Variants in PDZRN4 observed in about 807,000 individuals in gnomAD.
The protein encoded by PDZRN4 is PDZ domain-containing RING finger protein 4.
A neutral mutation model predicts 99.0 loss-of-function variants in PDZRN4; 70 were observed. The observed-to-expected ratio is 0.71, with a 90% confidence interval of 0.58 to 0.86. The LOEUF (loss-of-function observed/expected upper bound fraction) is 0.86. Among genes scored for constraint, PDZRN4 ranks in the 40% least tolerant of loss-of-function variants. PDZRN4 has a pLI of 0.00. For synonymous variants in PDZRN4, 551 were observed against 501.6 expected (o/e 1.10, Z -1.32); for missense variants, 1,474 against 1,331.2 (o/e 1.11, Z -1.67).
chr12:41,373,073 T>G (rs1458814987), intron 3 of PDZRN4, among the ~76,000 whole-genome samples: 2 of 152,024 alleles, frequency 1.3e-5, no homozygotes, highest in African/African-American at 4.8e-5. Flanking sequence ...AACCAGCAAG[T>G]TTTTATTAGT....
intron 1 of PDZRN4, 61 bp downstream of exon 1, chr12:41,189,164 C>A (rs767432560): frequency 5.8e-5 from 85 of 1,464,316 alleles, no homozygotes; most frequent in Non-Finnish European, 7.4e-5. Context: ...AGGAGCGGTT[C>A]TTTCTGACGC....
At position 41,367,998 on chromosome 12, in the gene PDZRN4, C is replaced by G. The variant is rs554963538; in HGVS notation, c.844-138458C>G. ...AGTACAGAGTAGGAAATACGATGTC[C>G]TCTTTTTGCAATACTTACCAAAACC... On this transcript the variant is annotated intron_variant, in intron 3 of 9. Coordinates refer to ENST00000402685, the MANE Select transcript of PDZRN4 (RefSeq NM_001164595.2). 2.0e-5 allele frequency among the ~76,000 whole-genome samples: 3 copies of G among 152,156 alleles called. No individual in the cohort carries two copies. The East Asian group carries it at 5.8e-4, about 30-fold the overall frequency.
intron 3 of PDZRN4, among the ~76,000 whole-genome samples, chr12:41,496,886 C>A (rs138530859): frequency 6.6e-6 from 1 of 152,084 alleles, no homozygotes; most frequent in South Asian, 2.1e-4. Context: ...TCATTCAGTG[C>A]GTTTTGTACA....
At chr12:41,510,002 A>G in intron 5 of PDZRN4, 89 bp downstream of exon 5, 3 of 646,808 alleles carry the variant, frequency 4.6e-6, no homozygotes, top group Non-Finnish European at 8.2e-6. Context: ...TATTACAGTG[A>G]GAAATGTCTT....
chr12:41,299,147 C>A (rs761329751), intron 3 of PDZRN4, among the ~76,000 whole-genome samples: 2 of 151,938 alleles, frequency 1.3e-5, no homozygotes, highest in African/African-American at 2.4e-5. Context: ...CATTCTAGGG[C>A]AAATAATTAT....
At chr12:41,350,721 T>C (rs560622861) in intron 3 of PDZRN4, among the ~76,000 whole-genome samples, 3 of 152,244 alleles carry the variant, frequency 2.0e-5, no homozygotes, top group East Asian at 3.9e-4. Context: ...AATACAGTAA[T>C]AGTAGCTTAG....
intron 3 of PDZRN4, among the ~76,000 whole-genome samples, chr12:41,424,860 T>C (rs2120419441): frequency 6.6e-6 from 1 of 152,210 alleles, no homozygotes; most frequent in Middle Eastern, 3.4e-3. Flanking sequence ...GCAGCAGATG[T>C]AAGAGGCCAG....
At position 41,189,076 on chromosome 12, in the gene PDZRN4, C is replaced by A. The variant is rs759342193; in HGVS notation, c.621C>A (p.Val207=). The A allele has an allele frequency of 1.3e-6, 2 of 1,581,238 alleles. No homozygotes were observed. The change falls in exon 1 of 10, where the codon GTC becomes GTA. Residue 207 remains valine (V), a synonymous_variant. Transcript: ENST00000402685. ...TQYMAHVRNF[V]GDLGGGHRRD... ...ACATGGCTCACGTCCGCAACTTCGT[C>A]GGCGACCTCGGTGGCGGCCACCGCA...
chr12:41,466,405 G>A (rs1952926276), intron 3 of PDZRN4, among the ~76,000 whole-genome samples: 1 of 152,142 alleles, frequency 6.6e-6, no homozygotes. Flanking sequence ...AATCTCTAGT[G>A]CCCATCCAAA....
intron 3 of PDZRN4, among the ~76,000 whole-genome samples, chr12:41,402,115 GTATATATATA>G (rs56031225): frequency 3.9e-5 from 1 of 25,888 alleles, no homozygotes; most frequent in African/African-American, 3.6e-4. Flanking sequence ...TACACACTGA[GTATATATATA>G]TATATATATA....
chr12:41,249,833 G>A (rs555647532), intron 3 of PDZRN4, among the ~76,000 whole-genome samples: 20 of 152,126 alleles, frequency 1.3e-4, no homozygotes, highest in Non-Finnish European at 2.1e-4. Flanking sequence ...GAGTGCATTC[G>A]CATTCATAGG....
intron 3 of PDZRN4, among the ~76,000 whole-genome samples, chr12:41,213,608 C>G (rs1172552201): frequency 6.6e-6 from 1 of 152,018 alleles, no homozygotes; most frequent in Non-Finnish European, 1.5e-5. Flanking sequence ...ACTATGGCTT[C>G]AGGCTGCTGA....
chr12:41,555,052 C>CAAAAAAAAAAAAAAAAAAA (rs67810817), intron 6 of PDZRN4, among the ~76,000 whole-genome samples: 1 of 113,542 alleles, frequency 8.8e-6, no homozygotes, highest in Non-Finnish European at 1.8e-5. Flanking sequence ...ACTAAAAATA[C>CAAAAAAAAAAAAAAAAAAA]AAAAAAAAAA....
intron 2 of PDZRN4, among the ~76,000 whole-genome samples, chr12:41,193,152 A>G (rs1327994320): frequency 1.3e-5 from 2 of 152,140 alleles, no homozygotes; most frequent in Admixed American, 1.3e-4. Context: ...AACAGTCCTC[A>G]TTTATTAAGA....
chr12:41,381,098 G>A (rs1036111360), intron 3 of PDZRN4, among the ~76,000 whole-genome samples: 14 of 152,084 alleles, frequency 9.2e-5, no homozygotes, highest in Admixed American at 9.2e-4. Context: ...TCTAATTGAG[G>A]CTCCTTTCTA....
At chr12:41,202,695 A>T (rs1040497575) in intron 3 of PDZRN4, among the ~76,000 whole-genome samples, 1 of 152,084 alleles carries the variant, frequency 6.6e-6, no homozygotes, top group African/African-American at 2.4e-5. Flanking sequence ...ACACACCCCA[A>T]AGAATAGACA....
rs188954243 is a variant in PDZRN4, at chr12:41,198,134, T to C, written c.843+3946T>C. 2.0e-5 allele frequency among the ~76,000 whole-genome samples: 3 copies of C among 152,122 alleles called. No homozygotes were observed. In the East Asian group the frequency reaches 5.8e-4, roughly 30 times the overall value. ...GGTTTCACCATGCTGCCCAGGCTGGTCTTGAACTCCTGGGCTCAAGCGACC... is the reference window on the plus strand; with the variant it reads ...GGTTTCACCATGCTGCCCAGGCTGGCCTTGAACTCCTGGGCTCAAGCGACC... On this transcript the variant is annotated intron_variant, in intron 3 of 9. Transcript: ENST00000402685.
intron 3 of PDZRN4, among the ~76,000 whole-genome samples, chr12:41,495,136 T>A (rs1010241292): frequency 6.6e-6 from 1 of 151,574 alleles, no homozygotes; most frequent in Non-Finnish European, 1.5e-5. Context: ...TGTTTGTGCA[T>A]GTGTGTGTGT....
At position 41,573,306 on chromosome 12, in the gene PDZRN4, A is replaced by T. The variant is rs1408714980; in HGVS notation, c.2527A>T (p.Ile843Phe). Residue 843 changes from isoleucine (I) to phenylalanine (F), a missense_variant, in exon 10 of 10, where the codon ATC (isoleucine) becomes TTC (phenylalanine). Coordinates refer to ENST00000402685, the MANE Select transcript of PDZRN4 (RefSeq NM_001164595.2). ...YHSSSYRYAN[I>F]PAHARHYQSY... is the part of the protein sequence containing the mutation. ...CAGCTCCTCATATAGATATGCAAAC[A>T]TCCCAGCACACGCCCGGCATTATCA... The T allele has an allele frequency of 6.2e-7, 1 of 1,613,372 alleles. No individual in the cohort carries two copies.
Sources: allele counts gnomAD v4.1 joint callset (sites outside exome capture counted in the v4.1 genomes callset), GRCh38; gene constraint gnomAD v4.1.1; transcripts MANE v1.5; gene names NCBI Gene and HGNC (gene_info 2026-07-23, HGNC 2026-07-21).